TNR: variants seen among roughly 807,000 people sequenced by gnomAD.
TNR encodes the protein tenascin R, also known as tenascin-R.
In TNR, 45 loss-of-function variants were observed where a neutral mutation model predicts 150.4. That is an observed-to-expected ratio of 0.30 (90% confidence interval 0.24 to 0.38). The LOEUF is 0.38. TNR is among the 10% of genes least tolerant of loss of function. The pLI is 1.00. For synonymous variants in TNR, 687 were observed against 678.4 expected (o/e 1.01, Z -0.20); for missense variants, 1,544 against 1,759.1 (o/e 0.88, Z 2.19).
At chr1:175,582,542 G>C (rs888459588) in intron 1 of TNR, among the ~76,000 whole-genome samples, 3 of 152,120 alleles carry the variant, frequency 2.0e-5, no homozygotes, top group African/African-American at 7.2e-5. Flanking sequence ...GGTAAGTATT[G>C]GCCATGCTCC....
intron 1 of TNR, among the ~76,000 whole-genome samples, chr1:175,588,653 A>C (rs961271643): frequency 2.0e-5 from 3 of 152,202 alleles, no homozygotes; most frequent in Admixed American, 6.5e-5. Flanking sequence ...CATCTGCCTC[A>C]CAATCCCATC....
chr1:175,505,857 A>G (rs777387026), intron 2 of TNR, among the ~76,000 whole-genome samples: 1 of 151,884 alleles, frequency 6.6e-6, no homozygotes, highest in Non-Finnish European at 1.5e-5. Context: ...TGTGGCCAAC[A>G]TGGCAAAACC....
intron 2 of TNR, among the ~76,000 whole-genome samples, chr1:175,438,227 T>C (rs1346353614): frequency 6.6e-6 from 1 of 152,024 alleles, no homozygotes; most frequent in Non-Finnish European, 1.5e-5. Context: ...GTTCAACATA[T>C]GCAAATCAAT....
At chr1:175,679,331 A>G (rs921309337) in intron 1 of TNR, among the ~76,000 whole-genome samples, 1 of 152,210 alleles carries the variant, frequency 6.6e-6, no homozygotes. Context: ...CCAGTGAGAG[A>G]TGTCCAAATT....
At chr1:175,524,372 C>T (rs1248921718) in intron 2 of TNR, among the ~76,000 whole-genome samples, 1 of 151,870 alleles carries the variant, frequency 6.6e-6, no homozygotes, top group Non-Finnish European at 1.5e-5. Flanking sequence ...CCCTGGAATC[C>T]AGGACAAGAG....
At chr1:175,379,352 G>A (rs1652560192) in intron 9 of TNR, among the ~76,000 whole-genome samples, 200 bp downstream of exon 9, 4 of 152,024 alleles carry the variant, frequency 2.6e-5, no homozygotes, top group South Asian at 2.1e-4. Context: ...GAGAGATTCC[G>A]TCTCAAAAAA....
intron 2 of TNR, among the ~76,000 whole-genome samples, chr1:175,457,990 C>A (rs1571467946): frequency 2.0e-5 from 3 of 152,160 alleles, no homozygotes; most frequent in Admixed American, 6.5e-5. Flanking sequence ...CCAAATAATA[C>A]AAATTATTCA....
intron 2 of TNR, among the ~76,000 whole-genome samples, chr1:175,495,828 A>G (rs1658463701): frequency 6.6e-6 from 1 of 152,250 alleles, no homozygotes; most frequent in Admixed American, 6.5e-5. Context: ...GGCATTTCAC[A>G]TAGGCAGTCA....
chr1:175,386,970 T>C (rs986934194), intron 7 of TNR, among the ~76,000 whole-genome samples: 1 of 152,210 alleles, frequency 6.6e-6, no homozygotes, highest in African/African-American at 2.4e-5. Context: ...CATCTGTTCT[T>C]GCATATTTCT....
intron 1 of TNR, among the ~76,000 whole-genome samples, chr1:175,724,144 C>A (rs1227623760): frequency 6.6e-6 from 1 of 152,108 alleles, no homozygotes; most frequent in Non-Finnish European, 1.5e-5. Flanking sequence ...GTATTAGTTT[C>A]TTCTCACATT....
At chr1:175,738,229 C>A (rs572511295) in intron 1 of TNR, among the ~76,000 whole-genome samples, 16 of 152,098 alleles carry the variant, frequency 1.1e-4, no homozygotes, top group South Asian at 4.2e-4. Flanking sequence ...AAAGCAGAGG[C>A]AATTGGCAAG....
intron 1 of TNR, among the ~76,000 whole-genome samples, chr1:175,612,287 G>T (rs1663623535): frequency 6.6e-6 from 1 of 152,308 alleles, no homozygotes; most frequent in Non-Finnish European, 1.5e-5. Context: ...GCTAAAAGGT[G>T]TTCCAGCAAC....
rs1267062093 is a variant in TNR, at chr1:175,324,357, T to C, written c.3956A>G (p.Gln1319Arg). 1.9e-6 allele frequency: 3 copies of C among 1,613,128 alleles called. No homozygotes were observed. The African/African-American group carries it at 4.0e-5, about 22-fold the overall frequency. Residue 1319 changes from glutamine to arginine, a missense_variant and splice_region_variant, in exon 22 of 23, where the codon CAG becomes CGG. Physicochemically the swap from Gln to Arg is conservative, Grantham distance 43. Around this residue, in one of 2 missense-constraint regions of TNR, gnomAD observed 290 missense variants for 429.7 expected, o/e 0.67. Transcript: ENST00000367674. ...TAGCAGAGGTGGAGCATCGCTTACC[T>C]GACTGTGCCTGGACTCCCCGTACTT... ...NGKYGESRHSQGINWYHWKGH... is the reference protein window; with the variant it reads ...NGKYGESRHSRGINWYHWKGH...
rs75480131 is a variant in TNR, at chr1:175,404,086, T to C, written c.500-470A>G. ...TCTGGGCAGTGCAGGTCACATCTCA[T>C]TGTGGGTTAAGGTCTATGTCCCTGA... On this transcript the variant is annotated intron_variant, in intron 3 of 22. Transcript: ENST00000367674. Among the ~76,000 whole-genome samples the C allele has an allele frequency of 2.6e-4, 39 of 152,150 alleles. 1 individual carries two copies. In the East Asian group the frequency reaches 7.2e-3, roughly 28 times the overall value.
chr1:175,715,787 T>G (rs1357236232), intron 1 of TNR, among the ~76,000 whole-genome samples: 1 of 152,184 alleles, frequency 6.6e-6, no homozygotes, highest in Non-Finnish European at 1.5e-5. Flanking sequence ...TCATAACCTG[T>G]GTGTGTCTGG....
chr1:175,632,635 A>G (rs1011117069), intron 1 of TNR, among the ~76,000 whole-genome samples: 3 of 152,198 alleles, frequency 2.0e-5, no homozygotes, highest in Non-Finnish European at 4.4e-5. Context: ...GGTGTTAAAA[A>G]CAAAATAACA....
intron 2 of TNR, among the ~76,000 whole-genome samples, chr1:175,436,770 A>T (rs1231785319): frequency 1.3e-5 from 2 of 152,232 alleles, no homozygotes; most frequent in Non-Finnish European, 2.9e-5. Flanking sequence ...ACCAACAAAG[A>T]TCAAAAGAGA....
chr1:175,622,942 G>A (rs1173468577), intron 1 of TNR, among the ~76,000 whole-genome samples: 1 of 152,056 alleles, frequency 6.6e-6, no homozygotes, highest in Non-Finnish European at 1.5e-5. Flanking sequence ...GTTTTATAAG[G>A]ACACCAGCCA....
At chr1:175,557,293 G>A (rs923949564) in intron 1 of TNR, among the ~76,000 whole-genome samples, 9 of 152,160 alleles carry the variant, frequency 5.9e-5, no homozygotes, top group Non-Finnish European at 1.0e-4. Context: ...CCTGACCCAC[G>A]GAAGTGGTAT....
Sources: allele counts gnomAD v4.1 joint callset (sites outside exome capture counted in the v4.1 genomes callset), GRCh38; gene constraint gnomAD v4.1.1; regional missense constraint gnomAD v4.1.1; transcripts MANE v1.5; gene names NCBI Gene and HGNC (gene_info 2026-07-23, HGNC 2026-07-21).